The following CEP170 variants were observed in gnomAD, a reference collection of about 807,000 sequenced individuals.
The protein encoded by CEP170 is centrosomal protein 170.
In CEP170, 21 loss-of-function variants were observed where a neutral mutation model predicts 151.9. The observed-to-expected ratio is 0.14, with a 90% confidence interval of 0.10 to 0.20. The LOEUF (loss-of-function observed/expected upper bound fraction) is 0.20, where lower values mean the gene tolerates loss of function less well. CEP170 is among the 10% of genes least tolerant of loss of function. The pLI is 1.00. For missense variants in CEP170, 964 were observed against 1,892.9 expected, an observed-to-expected ratio of 0.51 and a Z score of 9.11; for synonymous variants, 356 against 648.8, an observed-to-expected ratio of 0.55 and a Z score of 6.86.
intron 11 of CEP170, among the ~76,000 whole-genome samples, chr1:243,172,274 A>C (rs1307208361): frequency 6.6e-6 from 1 of 152,222 alleles, no homozygotes; most frequent in Non-Finnish European, 1.5e-5. Context: ...AATTTATAAA[A>C]ATTTAGTTTT....
intron 17 of CEP170, among the ~76,000 whole-genome samples, chr1:243,132,269 C>A (rs927874811): frequency 2.0e-5 from 3 of 152,210 alleles, no homozygotes; most frequent in African/African-American, 7.2e-5. Flanking sequence ...CAACTCAGAC[C>A]TACCTTTGAA....
At chr1:243,217,887 G>C (rs576092676) in intron 3 of CEP170, among the ~76,000 whole-genome samples, 2 of 152,154 alleles carry the variant, frequency 1.3e-5, no homozygotes, top group African/African-American at 4.8e-5. Flanking sequence ...GTTGGGATTC[G>C]AAATCAGGTC....
At chr1:243,177,437 A>G (rs935609004) in intron 10 of CEP170, among the ~76,000 whole-genome samples, 3 of 152,222 alleles carry the variant, frequency 2.0e-5, no homozygotes, top group Non-Finnish European at 2.9e-5. Context: ...ACAGTATTGC[A>G]TTAGTATATC....
chr1:243,215,362 A>AT (rs1406109721), intron 3 of CEP170, among the ~76,000 whole-genome samples: 1 of 152,174 alleles, frequency 6.6e-6, no homozygotes, highest in African/African-American at 2.4e-5. Context: ...ACAGAGCCAT[A>AT]TTTCTCTTCT....
chr1:243,180,829 C>T (rs1434820014), intron 10 of CEP170, among the ~76,000 whole-genome samples: 2 of 152,162 alleles, frequency 1.3e-5, no homozygotes, highest in Non-Finnish European at 2.9e-5. Context: ...GCTCTAGATT[C>T]TTCCCTACCA....
chr1:243,199,918 A>G (rs2060914069), intron 6 of CEP170, among the ~76,000 whole-genome samples: 1 of 151,926 alleles, frequency 6.6e-6, no homozygotes, highest in Non-Finnish European at 1.5e-5. Context: ...AAATGCAGAC[A>G]AACATGAAAT....
intron 10 of CEP170, among the ~76,000 whole-genome samples, chr1:243,177,956 A>C (rs957159041): frequency 6.6e-6 from 1 of 152,214 alleles, no homozygotes; most frequent in African/African-American, 2.4e-5. Flanking sequence ...AAAGGAAGAA[A>C]GAACACAATT....
At chr1:243,233,732 C>CAAAAAA (rs376399936) in intron 1 of CEP170, among the ~76,000 whole-genome samples, 15 of 97,796 alleles carry the variant, frequency 1.5e-4, no homozygotes, top group African/African-American at 5.0e-4. Context: ...GACTCCATCT[C>CAAAAAA]AAAAAAAAAA....
chr1:243,160,169 A>C (rs1243467874), intron 13 of CEP170, among the ~76,000 whole-genome samples: 4 of 152,046 alleles, frequency 2.6e-5, no homozygotes, highest in Non-Finnish European at 4.4e-5. Context: ...GAAAAAATTT[A>C]TTTCTTTCTC....
intron 16 of CEP170, among the ~76,000 whole-genome samples, chr1:243,137,924 T>C (rs1331878772): frequency 6.6e-6 from 1 of 152,120 alleles, no homozygotes; most frequent in Non-Finnish European, 1.5e-5. Context: ...ATTTAGGTTG[T>C]GAAAAATAAC....
chr1:243,189,412 C>T (rs1246579808), intron 8 of CEP170, among the ~76,000 whole-genome samples: 14 of 151,598 alleles, frequency 9.2e-5, no homozygotes, highest in African/African-American at 2.7e-4. Flanking sequence ...AAAAATTAGC[C>T]GGGTGTGGTG....
intron 14 of CEP170, among the ~76,000 whole-genome samples, chr1:243,146,320 G>A (rs1387979370): frequency 1.3e-5 from 2 of 152,106 alleles, no homozygotes; most frequent in Admixed American, 6.5e-5. Context: ...CAGAGGTCAC[G>A]GGAATGAGAT....
intron 10 of CEP170, among the ~76,000 whole-genome samples, chr1:243,177,288 G>C (rs952550931): frequency 2.6e-5 from 4 of 152,262 alleles, no homozygotes; most frequent in Middle Eastern, 3.4e-3. Context: ...TAATTCAATA[G>C]CAATAGTGCT....
intron 4 of CEP170, among the ~76,000 whole-genome samples, chr1:243,210,930 C>T (rs1223252151): frequency 6.6e-6 from 1 of 151,876 alleles, no homozygotes; most frequent in Non-Finnish European, 1.5e-5. Context: ...GACTATTTCT[C>T]GTAAATGTCA....
chr1:243,244,039 T>C (rs571898518), intron 1 of CEP170, among the ~76,000 whole-genome samples: 1 of 152,320 alleles, frequency 6.6e-6, no homozygotes, highest in Non-Finnish European at 1.5e-5. Context: ...ATTTCAGTAG[T>C]ACATTCGGAA....
intron 1 of CEP170, among the ~76,000 whole-genome samples, chr1:243,237,007 T>A (rs988573652): frequency 6.6e-6 from 1 of 152,150 alleles, no homozygotes; most frequent in South Asian, 2.1e-4. Context: ...ATTTGGGAGG[T>A]GGGTACAAAT....
rs537139062 is a variant in CEP170 at position 243,132,303 on chromosome 1, C to T, written c.4320-2850G>A. Among the ~76,000 whole-genome samples the T allele has an allele frequency of 3.3e-5, 5 of 152,330 alleles. No homozygotes were observed. In the East Asian group the frequency reaches 9.6e-4, roughly 29 times the overall value. ...AATAGTATCTTCTTCCCAAAGCCTTCCCTAAACCTCCTAGGTGAAAGTGAT... is the reference window on the plus strand; with the variant it reads ...AATAGTATCTTCTTCCCAAAGCCTTTCCTAAACCTCCTAGGTGAAAGTGAT... On this transcript the variant is annotated intron_variant, in intron 17 of 19. Transcript: ENST00000366542.
At chr1:243,155,423 TACA>T (rs2057460199) in intron 14 of CEP170, among the ~76,000 whole-genome samples, 1 of 152,066 alleles carries the variant, frequency 6.6e-6, no homozygotes, top group Admixed American at 6.5e-5. Context: ...TCCTCAAGTA[TACA>T]ACTTGAAGAT....
intron 4 of CEP170, among the ~76,000 whole-genome samples, chr1:243,204,524 G>A (rs1307960726): frequency 2.0e-5 from 3 of 152,166 alleles, no homozygotes; most frequent in African/African-American, 2.4e-5. Flanking sequence ...AATGATTGGC[G>A]GGTGGATCTT....
Sources: gnomAD v4.1 joint callset for allele counts (sites outside exome capture counted in the v4.1 genomes callset) on GRCh38, gnomAD v4.1.1 for gene constraint, MANE v1.5 for transcripts, NCBI Gene and HGNC (gene_info 2026-07-23, HGNC 2026-07-21) for gene names.